GSDMD: variants seen among roughly 807,000 people sequenced by gnomAD.
GSDMD encodes gasdermin D.
GSDMD carries 46 observed loss-of-function variants against 46.7 expected under a neutral mutation model. The ratio of observed to expected loss-of-function variants is 0.99; its 90% CI spans 0.78 to 1.26. The LOEUF (loss-of-function observed/expected upper bound fraction) is 1.26. GSDMD is among the 50% of genes most tolerant of loss of function. The probability of loss-of-function intolerance (pLI) is 0.00; values close to 1 mark genes in which losing one functional copy is unlikely to be tolerated. For missense variants in GSDMD, 649 were observed against 638.8 expected (o/e 1.02, Z -0.17); for synonymous variants, 307 against 283.1 (o/e 1.08, Z -0.85).
In GSDMD at chr8:143,559,546, G is replaced by A; in HGVS notation, c.211G>A (p.Glu71Lys). ...IKDILEPDAA[E>K]PDVQRGRSFH... ...GGACATCCTGGAGCCGGATGCCGCG[G>A]AACCAGGTGCCTGATGTGGTGCTGA... Residue 71 changes from glutamate to lysine, a missense_variant, in exon 2 of 11, where the codon GAA becomes AAA. By Grantham distance (56) the Glu-to-Lys change is moderately conservative. Transcript: ENST00000262580. 6.2e-7 allele frequency: 1 copy of A among 1,612,130 alleles called. No homozygotes were observed. Among genetic ancestry groups the A allele is most frequent in the Non-Finnish European group, 8.5e-7 (1 of 1,179,524 alleles).
chr8:143,560,093 T>C (rs1823414942), intron 3 of GSDMD, 124 bp downstream of exon 3: 1 of 935,564 alleles, frequency 1.1e-6, no homozygotes, highest in Admixed American at 2.0e-5. Flanking sequence ...AGGGTGGTCT[T>C]GAACTCCTGG....
intron 3 of GSDMD, 127 bp from the exon 4 acceptor site, chr8:143,560,476 C>A: frequency 9.9e-7 from 1 of 1,009,852 alleles, no homozygotes; most frequent in Non-Finnish European, 1.4e-6. Context: ...GCTGCCGGTG[C>A]CCCGGCACCC....
chr8:143,560,997 C>G lies in GSDMD; in HGVS notation c.580-5C>G, dbSNP rs909986186. 1 of 1,612,190 alleles carries G rather than the reference C, an allele frequency of 6.2e-7. No homozygotes were observed. The highest frequency in any genetic ancestry group is 1.7e-5 in the Admixed American group (1 of 60,014). On this transcript the variant is annotated splice_polypyrimidine_tract_variant and splice_region_variant and intron_variant, in intron 4 of 10. Coordinates refer to ENST00000262580, the MANE Select transcript of GSDMD (RefSeq NM_024736.7). ...CCCAGCCCCGAGCCCATCTCCATGC[C>G]TCAGGGTGAGGGCCAGGGCCATCTG...
At chr8:143,560,067 T>A in intron 3 of GSDMD, 98 bp downstream of exon 3, 10 of 1,178,582 alleles carry the variant, frequency 8.5e-6, no homozygotes, top group African/African-American at 1.5e-5. Context: ...TGAGGTGAGG[T>A]TTTGCTATCT....
Position 143,560,611 on chromosome 8 carries a change from G to T in GSDMD, c.419G>T (p.Arg140Leu), listed in dbSNP as rs200207107. Residue 140 changes from arginine (R) to leucine (L), a missense_variant, in exon 4 of 11, where the codon CGG becomes CTG. Physicochemically the swap from Arg to Leu is moderately radical, Grantham distance 102 (BLOSUM62 -2). Transcript: ENST00000262580. The stretch of plus-strand genomic sequence containing the variant: ...CTGCTCCTCGGACACAGGCACCTGC[G>T]GCAGCCAGAACACAAAGTCCTGCAG... ...WQTLLHERHL[R>L]QPEHKVLQQL... 2 of 1,582,964 alleles carry T rather than the reference G, an allele frequency of 1.3e-6. No homozygotes were observed. The highest frequency in any genetic ancestry group is 2.3e-5 in the East Asian group (1 of 43,030).
chr8:143,556,469 C>T (rs989282646), upstream of GSDMD, among the ~76,000 whole-genome samples: 7 of 152,192 alleles, frequency 4.6e-5, no homozygotes, highest in African/African-American at 1.7e-4. Flanking sequence ...CACTTGAGCC[C>T]AGGAGGTCGA....
At chr8:143,554,610 A>G (rs1823268201), upstream of GSDMD, among the ~76,000 whole-genome samples, 2 of 149,390 alleles carry the variant, frequency 1.3e-5, no homozygotes, top group South Asian at 4.2e-4. Flanking sequence ...CAACGCGCAC[A>G]CAACACTCAG....
intron 6 of GSDMD, 67 bp from the exon 7 acceptor site, chr8:143,561,675 A>G (rs1214022473): frequency 9.8e-6 from 13 of 1,324,026 alleles, no homozygotes; most frequent in Non-Finnish European, 1.2e-5. Flanking sequence ...GGAAGGCCTC[A>G]GCCCTCTCTG....
At chr8:143,554,036 G>A (rs910269587), upstream of GSDMD, among the ~76,000 whole-genome samples, 2 of 151,982 alleles carry the variant, frequency 1.3e-5, no homozygotes, top group African/African-American at 2.4e-5. Context: ...TCTGGGAGGG[G>A]CCTGACGCAC....
rs147365674 is a variant in GSDMD at position 143,560,678 on chromosome 8, G to A, written c.486G>A (p.Glu162=). Residue 162 remains glutamate (E), a synonymous_variant, in exon 4 of 11, where the codon GAG becomes GAA. Coordinates refer to ENST00000262580, the MANE Select transcript of GSDMD (RefSeq NM_024736.7). ...SRGDNVYVVT[E]VLQTQKEVEV... is the part of the protein sequence containing the mutation. ...GGGACAACGTGTACGTGGTGACTGA[G>A]GTGCTGCAGACACAGAAGGAGGTGG... is the stretch of plus-strand genomic sequence containing the variant. 1 of 1,588,526 alleles carries A rather than the reference G, an allele frequency of 6.3e-7. No individual in the cohort carries two copies. The highest frequency in any genetic ancestry group is 1.3e-5 in the African/African-American group (1 of 74,592).
Position 143,558,511 on chromosome 8 carries a change from C to A in GSDMD, c.-5+60C>A, listed in dbSNP as rs1181826391. 2.2e-6 allele frequency: 3 copies of A among 1,378,226 alleles called. No homozygotes were observed. In the African/African-American group the frequency reaches 4.6e-5, roughly 21 times the overall value. The allele number at this position is 1,378,226 out of a possible 1,614,324, so 85.4% of individuals were successfully genotyped here. Reference sequence around the variant, plus strand: ...TGGAGCTCCCGAGTGGGGCCGGCCGCTGGCTCCCGGGTGGGGGATGCTGGC... The same window carrying A: ...TGGAGCTCCCGAGTGGGGCCGGCCGATGGCTCCCGGGTGGGGGATGCTGGC... On this transcript the variant is annotated intron_variant, in intron 1 of 10. Transcript: ENST00000262580.
intron 3 of GSDMD, 23 bp from the exon 4 acceptor site, chr8:143,560,580 G>A (rs1329300553): frequency 1.3e-6 from 2 of 1,559,000 alleles, no homozygotes; most frequent in South Asian, 1.2e-5. Flanking sequence ...GGCCCAGCGA[G>A]CTTTGCTGCT....
intron 1 of GSDMD, 52 bp from the exon 2 acceptor site, chr8:143,559,280 T>TACCAAC: frequency 4.5e-5 from 26 of 579,402 alleles, no homozygotes; most frequent in Non-Finnish European, 4.5e-5. Context: ...CTTCTCCCAC[T>TACCAAC]CCCTCCCGCC....
Position 143,561,824 on chromosome 8 carries a change from G to A in GSDMD, c.819G>A (p.Leu273=). Residue 273 remains leucine (L), a synonymous_variant, in exon 7 of 11, where the codon CTG becomes CTA. Transcript: ENST00000262580. ...TGATGAGGTGCCTCCACAACTTCCT[G>A]ACAGGTCAGTGCCCTCCTGACCGCC... The part of the protein sequence containing the change: ...LSMMRCLHNF[L]TDGVPAEGAF... 6.2e-7 allele frequency: 1 copy of A among 1,610,944 alleles called. No individual in the cohort carries two copies. Among genetic ancestry groups the A allele is most frequent in the Non-Finnish European group, 8.5e-7 (1 of 1,178,996 alleles).
chr8:143,558,480 C>G, intron 1 of GSDMD, 29 bp downstream of exon 1: 1 of 1,456,244 alleles, frequency 6.9e-7, no homozygotes, highest in Middle Eastern at 1.9e-4. Context: ...CCTCCCCCGG[C>G]CTGGCTGGAG....
rs757649876 is a variant in GSDMD at position 143,558,466 on chromosome 8, G to A, written c.-5+15G>A. 1.4e-5 allele frequency: 21 copies of A among 1,471,822 alleles called. No individual in the cohort carries two copies. The highest frequency in any genetic ancestry group is 5.2e-5 in the South Asian group (4 of 77,288). 91.2% of individuals were successfully genotyped at this position (1,471,822 alleles called of 1,614,324 possible). On this transcript the variant is annotated intron_variant, in intron 1 of 10. Transcript: ENST00000262580. The stretch of plus-strand genomic sequence containing the variant: ...CGACGGTCACGGTGAGCTGCGCCCC[G>A]CCCCCTCCCCCGGCCTGGCTGGAGC...
At position 143,562,760 on chromosome 8, in the gene GSDMD, G is replaced by A. The variant is rs773851313; in HGVS notation, c.1311G>A (p.Pro437=). ...LLGNSWGEGA[P]AWVLLDECGL... Reference sequence around the variant, plus strand: ...GGAACAGCTGGGGCGAAGGAGCACCGGCCTGGGTCTTGCTGGACGAGTGTG... The same window carrying A: ...GGAACAGCTGGGGCGAAGGAGCACCAGCCTGGGTCTTGCTGGACGAGTGTG... The change falls in exon 11 of 11, where the codon CCG becomes CCA. Residue 437 remains proline (P), a synonymous_variant. Transcript: ENST00000262580. 6.7e-5 allele frequency: 106 copies of A among 1,588,008 alleles called. No homozygotes were observed. The highest frequency in any genetic ancestry group is 9.4e-5 in the African/African-American group (7 of 74,214).
At position 143,559,757 on chromosome 8, in the gene GSDMD, C is replaced by G. The variant is rs1341568389; in HGVS notation, c.218-20C>G. 3 of 1,571,704 alleles carry G rather than the reference C, an allele frequency of 1.9e-6. No homozygotes were observed. The African/African-American group carries it at 4.0e-5, about 21-fold the overall frequency. ...AGAGGCGGGGCGCTGGGCACAGCCT[C>G]AGGTCTGGCCTTGCTTTAGACGTGC... is the stretch of plus-strand genomic sequence containing the variant. On this transcript the variant is annotated intron_variant, in intron 2 of 10. Coordinates refer to ENST00000262580, the MANE Select transcript of GSDMD (RefSeq NM_024736.7).
chr8:143,558,260 GC>G, upstream of GSDMD: 1 of 1,433,050 alleles, frequency 7.0e-7, no homozygotes, highest in Admixed American at 2.7e-5. Context: ...AGGCGGGCTG[GC>G]GGGAAGAGGG....
Sources: allele counts gnomAD v4.1 joint callset (sites outside exome capture counted in the v4.1 genomes callset), GRCh38; gene constraint gnomAD v4.1.1; transcripts MANE v1.5; gene names NCBI Gene and HGNC (gene_info 2026-07-23, HGNC 2026-07-21).